Variants in FANCA observed in about 807,000 individuals in gnomAD.
The protein encoded by FANCA is FA complementation group A.
Under a neutral mutation model 194.3 loss-of-function variants are expected in FANCA, and 236 were observed. The observed-to-expected ratio is 1.21, with a 90% CI of 1.09 to 1.35. The LOEUF (loss-of-function observed/expected upper bound fraction) is 1.35, where lower values mean the gene tolerates loss of function less well. FANCA is among the 40% of genes most tolerant of loss of function. The pLI, the probability that FANCA is intolerant of heterozygous loss-of-function variation, is 0.00. For synonymous variants in FANCA, 1,014 were observed against 715.8 expected (o/e 1.42, Z -6.65); for missense variants, 2,628 against 1,813.9 (o/e 1.45, Z -8.15).
intron 8 of FANCA, among the ~76,000 whole-genome samples, chr16:89,801,804 G>A (rs2040463199): frequency 6.6e-6 from 1 of 151,422 alleles, no homozygotes; most frequent in Admixed American, 6.6e-5. Context: ...AGGAGAATCG[G>A]TTGAACCTGG....
chr16:89,742,134 AC>A (rs569349901), intron 37 of FANCA, among the ~76,000 whole-genome samples: 267 of 151,946 alleles, frequency 1.8e-3, no homozygotes, highest in Non-Finnish European at 3.0e-3. Flanking sequence ...GCACCACCAC[AC>A]CCGACTAATT....
chr16:89,763,579 A>G (rs563097474), intron 28 of FANCA, among the ~76,000 whole-genome samples: 1 of 152,296 alleles, frequency 6.6e-6, no homozygotes, highest in East Asian at 1.9e-4. Flanking sequence ...TCCAGTAACC[A>G]GGCACACATG....
At chr16:89,746,555 CAA>C (rs1396236844) in intron 35 of FANCA, 27 bp downstream of exon 35, 1 of 1,598,056 alleles carries the variant, frequency 6.3e-7, no homozygotes, top group Non-Finnish European at 8.6e-7. Flanking sequence ...ATCCCCAAAA[CAA>C]AACACCAAAC....
intron 30 of FANCA, among the ~76,000 whole-genome samples, chr16:89,757,829 A>G (rs2038815344): frequency 6.6e-6 from 1 of 152,218 alleles, no homozygotes; most frequent in African/African-American, 2.4e-5. Flanking sequence ...TGCTTCACAC[A>G]TGCTCACCTT....
intron 30 of FANCA, among the ~76,000 whole-genome samples, chr16:89,757,535 A>T (rs1598089745): frequency 6.6e-6 from 1 of 152,228 alleles, no homozygotes; most frequent in East Asian, 1.9e-4. Context: ...AACATCCCAA[A>T]CAGGCAAATC....
At chr16:89,787,617 A>T (rs8047486) in intron 14 of FANCA, among the ~76,000 whole-genome samples, 80,864 of 151,650 alleles carry the variant, frequency 0.53, 23,939 homozygotes, top group East Asian at 0.98. Flanking sequence ...ACACCTGCGG[A>T]CTCAGCTGCT....
intron 18 of FANCA, among the ~76,000 whole-genome samples, chr16:89,779,454 T>C (rs953454743): frequency 6.6e-6 from 1 of 151,834 alleles, no homozygotes; most frequent in Non-Finnish European, 1.5e-5. Context: ...AAAGAAGGCA[T>C]TGATAAAAAA....
chr16:89,755,921 C>T (rs115875856), intron 30 of FANCA, among the ~76,000 whole-genome samples: 4,296 of 151,482 alleles, frequency 0.028, 219 homozygotes, highest in African/African-American at 0.098. Context: ...CGGCCCACCG[C>T]GCAGAAACAG....
Position 89,770,223 on chromosome 16 carries a change from C to T in FANCA, c.2259G>A (p.Met753Ile), listed in dbSNP as rs1352373930. ...GPWAALFVRT[M>I]CGRVLPAVLT... ...GCACTGCAGGGAGCACACGTCCACA[C>T]ATGGTCCTCACGAAGAGGGCAGCCC... is the stretch of plus-strand genomic sequence containing the variant. Residue 753 changes from methionine (M) to isoleucine (I), a missense_variant, in exon 25 of 43, where the codon ATG (methionine) becomes ATA (isoleucine). Coordinates refer to ENST00000389301, the MANE Select transcript of FANCA (RefSeq NM_000135.4). 2.5e-6 allele frequency: 4 copies of T among 1,591,338 alleles called. No homozygotes were observed.
intron 31 of FANCA, among the ~76,000 whole-genome samples, chr16:89,751,236 C>T (rs2038578656): frequency 1.3e-5 from 2 of 152,068 alleles, no homozygotes; most frequent in Non-Finnish European, 2.9e-5. Flanking sequence ...TGCAGTGGCT[C>T]ACGCCTGTAA....
intron 31 of FANCA, among the ~76,000 whole-genome samples, chr16:89,751,576 G>A (rs1474244902): frequency 6.6e-6 from 1 of 152,170 alleles, no homozygotes; most frequent in Non-Finnish European, 1.5e-5. Flanking sequence ...GGAGTTGGGA[G>A]GCCCCAGAGC....
chr16:89,815,501 G>A (rs1381596205), intron 2 of FANCA, among the ~76,000 whole-genome samples: 1 of 151,242 alleles, frequency 6.6e-6, no homozygotes, highest in African/African-American at 2.4e-5. Flanking sequence ...GATTAAAGGC[G>A]TGCGCCACCA....
At chr16:89,811,660 G>C (rs748591260) in intron 3 of FANCA, among the ~76,000 whole-genome samples, 2 of 152,152 alleles carry the variant, frequency 1.3e-5, no homozygotes, top group African/African-American at 4.8e-5. Context: ...AGTGAGAAAC[G>C]GTGGGCAACC....
chr16:89,759,935 C>T (rs117842744), intron 29 of FANCA, among the ~76,000 whole-genome samples: 12 of 151,108 alleles, frequency 7.9e-5, no homozygotes, highest in Admixed American at 2.6e-4. Context: ...TGTGCGGGAC[C>T]TGGGTGCTCC....
intron 6 of FANCA, among the ~76,000 whole-genome samples, chr16:89,807,017 C>A (rs1439671502): frequency 1.3e-5 from 2 of 152,114 alleles, no homozygotes; most frequent in Non-Finnish European, 2.9e-5. Context: ...GGCGGCTGTT[C>A]TATATCATTC....
chr16:89,750,767 A>C (rs2038560270), intron 31 of FANCA, among the ~76,000 whole-genome samples: 1 of 151,962 alleles, frequency 6.6e-6, no homozygotes, highest in African/African-American at 2.4e-5. Context: ...TCTCAAAAAC[A>C]AACAGACAAA....
chr16:89,758,236 T>A (rs1234049109), intron 30 of FANCA, among the ~76,000 whole-genome samples: 2 of 152,224 alleles, frequency 1.3e-5, no homozygotes, highest in Non-Finnish European at 2.9e-5. Flanking sequence ...TGTATTGACA[T>A]AGATTTGCTA....
rs2039334796 is a variant in FANCA, at chr16:89,771,770, C to T, written c.2059G>A (p.Val687Ile). The change falls in exon 23 of 43, where the codon GTC becomes ATC. Residue 687 changes from valine to isoleucine, a missense_variant. Physicochemically the swap from Val to Ile is conservative, Grantham distance 29 (BLOSUM62 3). Coordinates refer to ENST00000389301, the MANE Select transcript of FANCA (RefSeq NM_000135.4). ...CTGTCATCCTCATTGTGGCCCAGGA[C>T]AGCCCTCAGTCTTTCAGAAATCACT... is the stretch of plus-strand genomic sequence containing the variant. ...VAVISERLRA[V>I]LGHNEDDSSV... 1.2e-6 allele frequency: 2 copies of T among 1,614,100 alleles called. No homozygotes were observed. The highest frequency in any genetic ancestry group is 1.7e-4 in the Middle Eastern group (1 of 5,988).
chr16:89,783,282 G>A (rs939933824), intron 15 of FANCA, among the ~76,000 whole-genome samples, 180 bp from the exon 16 acceptor site: 5 of 152,084 alleles, frequency 3.3e-5, no homozygotes, highest in Admixed American at 6.6e-5. Flanking sequence ...CGGGCGCAGC[G>A]GCTTACACCT....
Sources: gnomAD v4.1 joint callset for allele counts (sites outside exome capture counted in the v4.1 genomes callset) on GRCh38, gnomAD v4.1.1 for gene constraint, MANE v1.5 for transcripts, NCBI Gene and HGNC (gene_info 2026-07-23, HGNC 2026-07-21) for gene names.